Variants in PARP14 observed in about 807,000 individuals in gnomAD.
The protein encoded by PARP14 is poly(ADP-ribose) polymerase family member 14.
In PARP14, 59 loss-of-function variants were observed where a neutral mutation model predicts 154.2. The observed-to-expected ratio is 0.38, with a 90% CI of 0.31 to 0.48. PARP14 has a LOEUF of 0.48. Among genes scored for constraint, PARP14 ranks in the 20% least tolerant of loss-of-function variants. The pLI is 0.98. For synonymous variants in PARP14, 720 were observed against 780.5 expected, an observed-to-expected ratio of 0.92 and a Z score of 1.29; for missense variants, 1,734 against 2,131.6, an observed-to-expected ratio of 0.81 and a Z score of 3.67.
intron 2 of PARP14, 67 bp downstream of exon 2, chr3:122,685,385 C>A: frequency 7.0e-7 from 1 of 1,427,688 alleles, no homozygotes; most frequent in Non-Finnish European, 9.7e-7. Context: ...TGGGAATCAC[C>A]ATGAAGAAAA....
chr3:122,728,535 T>C lies in PARP14; in HGVS notation c.5344T>C (p.Leu1782=), dbSNP rs1225403860. 1 of 1,613,910 alleles carries C rather than the reference T, an allele frequency of 6.2e-7. No individual in the cohort carries two copies. The highest frequency in any genetic ancestry group is 1.7e-5 in the Admixed American group (1 of 60,032). The change falls in exon 17 of 17, where the codon TTA becomes CTA. Residue 1782 remains leucine, a synonymous_variant. Coordinates refer to ENST00000474629, the MANE Select transcript of PARP14 (RefSeq NM_017554.3). ...TVTDNVHHPS[L]FVAFYDYQAY... The stretch of plus-strand genomic sequence containing the variant: ...CACAGATAATGTGCACCATCCAAGT[T>C]TATTTGTGGCATTTTATGACTACCA...
intron 4 of PARP14, among the ~76,000 whole-genome samples, chr3:122,693,861 GAAAAGA>G (rs746446144): frequency 2.6e-4 from 28 of 108,062 alleles, no homozygotes; most frequent in South Asian, 7.6e-4. Flanking sequence ...AAAAAGAAAA[GAAAAGA>G]AAAAGAAAAG....
Position 122,718,175 on chromosome 3 carries a change from G to A in PARP14, c.4105G>A (p.Val1369Ile). ...SAQSVKKVKVVIFLPQVLDVF... is the reference protein window; with the variant it reads ...SAQSVKKVKVIIFLPQVLDVF... Reference sequence around the variant, plus strand: ...CCAGTCTGTGAAAAAAGTTAAAGTTGTTATCTTTCTGCCTCAAGTACTGGA... The same window carrying A: ...CCAGTCTGTGAAAAAAGTTAAAGTTATTATCTTTCTGCCTCAAGTACTGGA... Residue 1369 changes from valine (V) to isoleucine (I), a missense_variant, in exon 13 of 17, where the codon GTT becomes ATT. Physicochemically the swap from Val to Ile is conservative, Grantham distance 29. Around this residue, in one of 2 missense-constraint regions of PARP14, gnomAD observed 1,646 missense variants for 1,976.0 expected, o/e 0.83. Coordinates refer to ENST00000474629, the MANE Select transcript of PARP14 (RefSeq NM_017554.3). 6.2e-7 allele frequency: 1 copy of A among 1,613,578 alleles called. No homozygotes were observed. Among genetic ancestry groups the A allele is most frequent in the Non-Finnish European group, 8.5e-7 (1 of 1,179,650 alleles).
chr3:122,681,077 G>A lies in PARP14; in HGVS notation c.187+7G>A, dbSNP rs1248444468. The A allele has an allele frequency of 2.5e-6, 4 of 1,609,678 alleles. No homozygotes were observed. Among genetic ancestry groups the A allele is most frequent in the East Asian group, 2.2e-5 (1 of 44,854 alleles). The stretch of plus-strand genomic sequence containing the variant: ...TTCTTCTACCCGGAGGACGGTGAGG[G>A]GCGCGAGGGGTGGGGTGAGGAGGGG... On this transcript the variant is annotated splice_region_variant and intron_variant, in intron 1 of 16. Coordinates refer to ENST00000474629, the MANE Select transcript of PARP14 (RefSeq NM_017554.3). The surrounding 1 kb of genome is among the most constrained non-coding windows in gnomAD (Gnocchi z 5.5).
intron 2 of PARP14, among the ~76,000 whole-genome samples, chr3:122,686,596 C>T (rs759767262): frequency 6.6e-6 from 1 of 152,132 alleles, no homozygotes; most frequent in African/African-American, 2.4e-5. Context: ...GTAGCTGGGA[C>T]TACAGGCATG....
Position 122,685,307 on chromosome 3 carries a change from C to T in PARP14, c.310C>T (p.Leu104Phe), listed in dbSNP as rs1938337334. The change falls in exon 2 of 17, where the codon CTT (leucine) becomes TTT (phenylalanine). Residue 104 changes from leucine to phenylalanine, a missense_variant. Transcript: ENST00000474629. ...AATCGATCATGTCTTTGAAGAGGAA[C>T]TTCTAACAAAAGCAAGTAAACTTTA... Reference protein sequence around the residue: ...DEIDHVFEEELLTKESKTKED... With the variant: ...DEIDHVFEEEFLTKESKTKED... 6.2e-7 allele frequency: 1 copy of T among 1,613,492 alleles called. No homozygotes were observed. Among genetic ancestry groups the T allele is most frequent in the Admixed American group, 1.7e-5 (1 of 59,970 alleles).
chr3:122,689,929 T>C (rs1938487381), intron 3 of PARP14, among the ~76,000 whole-genome samples: 1 of 152,172 alleles, frequency 6.6e-6, no homozygotes, highest in Non-Finnish European at 1.5e-5. Flanking sequence ...AATCACTGTT[T>C]TCTAAATTGT....
At chr3:122,715,896 A>C (rs748627458) in intron 12 of PARP14, among the ~76,000 whole-genome samples, 1 of 152,202 alleles carries the variant, frequency 6.6e-6, no homozygotes, top group African/African-American at 2.4e-5. Flanking sequence ...TTTTGTATAA[A>C]TATGTACACA....
At chr3:122,704,850 T>G (rs756293079) in intron 8 of PARP14, 102 bp downstream of exon 8, 138 of 651,758 alleles carry the variant, frequency 2.1e-4, no homozygotes, top group Non-Finnish European at 3.4e-4. Context: ...CATTTCCCCA[T>G]TCAGGAAAGT....
rs1292073342 is a variant in PARP14, at chr3:122,695,508, A to G, written c.681A>G (p.Thr227=). ...TTTCTCCAAGACTTCTGGAAGTGAC[A>G]AACACAATCAGGGTTGAAAACCTGC... The part of the protein sequence containing the change: ...LQLSPRLLEV[T]NTIRVENLPP... Residue 227 remains threonine (T), a synonymous_variant, in exon 5 of 17, where the codon ACA becomes ACG. Coordinates refer to ENST00000474629, the MANE Select transcript of PARP14 (RefSeq NM_017554.3). 1.9e-6 allele frequency: 3 copies of G among 1,610,644 alleles called. No homozygotes were observed. Among genetic ancestry groups the G allele is most frequent in the Non-Finnish European group, 2.5e-6 (3 of 1,177,714 alleles).
chr3:122,720,907 C>G (rs12492888), intron 15 of PARP14: 64,685 of 455,384 alleles, frequency 0.14, 4,846 homozygotes, highest in Admixed American at 0.17. Flanking sequence ...AGGAGTTTGA[C>G]GCCAGTCTGG....
At position 122,704,465 on chromosome 3, in the gene PARP14, C is replaced by T. The variant is rs748370269; in HGVS notation, c.3319-62C>T. The T allele has an allele frequency of 2.2e-5, 23 of 1,050,058 alleles. No individual in the cohort carries two copies. In the African/African-American group the frequency reaches 3.5e-4, roughly 16 times the overall value. 65.0% of individuals were successfully genotyped at this position (1,050,058 alleles called of 1,614,324 possible). A position where few individuals can be genotyped will look rare whatever the true frequency, so the allele number is the denominator to read the frequency against. The stretch of plus-strand genomic sequence containing the variant: ...GTTCACAAAGTTGCTAAATTCTTGT[C>T]CTTTTTGTTCTAACTCCCATTTCTA... On this transcript the variant is annotated intron_variant, in intron 7 of 16. Transcript: ENST00000474629.
chr3:122,702,562 A>G (rs934289829), intron 6 of PARP14, among the ~76,000 whole-genome samples: 4 of 152,164 alleles, frequency 2.6e-5, no homozygotes, highest in Non-Finnish European at 5.9e-5. Context: ...ATTCACTGCC[A>G]TGCGGCAGAT....
intron 5 of PARP14, among the ~76,000 whole-genome samples, chr3:122,696,072 C>G (rs1484153618): frequency 2.0e-5 from 3 of 152,186 alleles, no homozygotes; most frequent in Non-Finnish European, 4.4e-5. Context: ...CTCCTTTCAC[C>G]TATTGTATCA....
chr3:122,713,649 T>C, intron 10 of PARP14, 76 bp downstream of exon 10: 1 of 1,335,376 alleles, frequency 7.5e-7, no homozygotes. Context: ...CCAAACTGGT[T>C]TTTAGAACTT....
intron 2 of PARP14, among the ~76,000 whole-genome samples, chr3:122,686,031 A>G (rs540051355): frequency 8.4e-4 from 128 of 152,366 alleles, no homozygotes; most frequent in Non-Finnish European, 1.2e-3. Context: ...TAGTAACATT[A>G]ATGATCCAAC....
chr3:122,720,688 G>A (rs1297639350), intron 15 of PARP14: 5 of 452,326 alleles, frequency 1.1e-5, no homozygotes, highest in African/African-American at 8.1e-5. Flanking sequence ...GGATTTGATA[G>A]CTAGCAAATT....
chr3:122,718,248 C>T lies in PARP14; in HGVS notation c.4178C>T (p.Ser1393Phe), dbSNP rs1933050102. ...AAAAGAGAAGGGACTCAGCTTTCTT[C>T]CCAACAGTCTGTGATGTCTAAACTT... ...MKKREGTQLSSQQSVMSKLAS... is the reference protein window; with the variant it reads ...MKKREGTQLSFQQSVMSKLAS... Residue 1393 changes from serine to phenylalanine, a missense_variant, in exon 13 of 17, where the codon TCC becomes TTC. Physicochemically the swap from Ser to Phe is radical, Grantham distance 155 (BLOSUM62 -2). Transcript: ENST00000474629. The T allele has an allele frequency of 1.2e-6, 2 of 1,613,540 alleles. No homozygotes were observed. The highest frequency in any genetic ancestry group is 2.2e-5 in the East Asian group (1 of 44,866).
At chr3:122,720,910 CA>C (rs1489611949) in intron 15 of PARP14, 4 of 455,294 alleles carry the variant, frequency 8.8e-6, no homozygotes, top group Non-Finnish European at 1.8e-5. Flanking sequence ...AGTTTGACGC[CA>C]GTCTGGGTAA....
Sources: allele counts gnomAD v4.1 joint callset (sites outside exome capture counted in the v4.1 genomes callset), GRCh38; gene constraint gnomAD v4.1.1; regional missense constraint gnomAD v4.1.1; non-coding constraint Gnocchi (gnomAD v3.1); transcripts MANE v1.5; gene names NCBI Gene and HGNC (gene_info 2026-07-23, HGNC 2026-07-21).